Variants in PRSS3 observed in about 807,000 individuals in gnomAD.
PRSS3 encodes serine protease 3, also known as trypsin-3.
A neutral mutation model predicts 20.8 loss-of-function variants in PRSS3; 14 were observed. The ratio of observed to expected loss-of-function variants is 0.67; its 90% CI spans 0.44 to 1.05. The LOEUF (loss-of-function observed/expected upper bound fraction) is 1.05, where lower values mean the gene tolerates loss of function less well. Among genes scored for constraint, PRSS3 ranks in the 50% least tolerant of loss-of-function variants. The probability of loss-of-function intolerance (pLI) is 0.00; values close to 1 mark genes in which losing one functional copy is unlikely to be tolerated. For missense variants in PRSS3, 237 were observed against 306.4 expected (o/e 0.77, Z 1.69); for synonymous variants, 91 against 117.6 (o/e 0.77, Z 1.46).
intron 1 of PRSS3, among the ~76,000 whole-genome samples, chr9:33,760,816 C>G (rs180984585): frequency 2.0e-5 from 3 of 151,614 alleles, no homozygotes; most frequent in African/African-American, 7.3e-5. Context: ...AGAGTGAATT[C>G]CTAGCAGCAT....
intron 1 of PRSS3, among the ~76,000 whole-genome samples, chr9:33,752,837 T>A (rs1196735382): frequency 6.6e-6 from 1 of 152,240 alleles, no homozygotes; most frequent in Admixed American, 6.5e-5. Flanking sequence ...GCCTTCTGTA[T>A]GTGATGCAGA....
At chr9:33,789,323 CT>C (rs999309542) in intron 1 of PRSS3, among the ~76,000 whole-genome samples, 7 of 152,150 alleles carry the variant, frequency 4.6e-5, no homozygotes, top group Non-Finnish European at 8.8e-5. Flanking sequence ...CCTAATATCA[CT>C]TTTTTTATAA....
chr9:33,751,722 G>C (rs855554), intron 1 of PRSS3, among the ~76,000 whole-genome samples: 64,621 of 151,892 alleles, frequency 0.43, 14,870 homozygotes, highest in African/African-American at 0.62. Context: ...TTTATAGAAA[G>C]GATGGCTTAT....
chr9:33,757,794 C>T (rs1437934411), intron 1 of PRSS3, among the ~76,000 whole-genome samples: 6 of 152,182 alleles, frequency 3.9e-5, no homozygotes, highest in Non-Finnish European at 8.8e-5. Context: ...GCCCTTCCTA[C>T]CTGTCCCCTT....
At position 33,798,050 on chromosome 9, in the gene PRSS3, T is replaced by C. The variant is rs980930453; in HGVS notation, c.422T>C (p.Ile141Thr). 1.9e-6 allele frequency: 3 copies of C among 1,614,152 alleles called. No homozygotes were observed. In the African/African-American group the frequency reaches 4.0e-5, roughly 22 times the overall value. ...CCAGCTGCTGGCACTGAGTGCCTCA[T>C]CTCCGGCTGGGGCAACACTCTGAGC... The part of the protein sequence containing the change: ...TPPAAGTECL[I>T]SGWGNTLSFG... The change falls in exon 3 of 5, where the codon ATC becomes ACC. Residue 141 changes from isoleucine to threonine, a missense_variant. Transcript: ENST00000379405.
chr9:33,751,502 C>T (rs528149755), intron 1 of PRSS3, among the ~76,000 whole-genome samples: 9 of 152,252 alleles, frequency 5.9e-5, no homozygotes, highest in African/African-American at 2.2e-4. Flanking sequence ...CCAGGGAAAC[C>T]TAGCACTTTA....
intron 1 of PRSS3, among the ~76,000 whole-genome samples, chr9:33,767,812 C>T (rs932195812): frequency 2.6e-5 from 4 of 151,542 alleles, no homozygotes; most frequent in African/African-American, 7.3e-5. Context: ...GCAACAAGAG[C>T]GAACCTCTGT....
intron 1 of PRSS3, chr9:33,786,131 A>T (rs1396356551): frequency 5.5e-6 from 2 of 363,472 alleles, no homozygotes; most frequent in Non-Finnish European, 1.0e-5. Flanking sequence ...AGAGAAACAG[A>T]GCGGGAAAGA....
intron 1 of PRSS3, among the ~76,000 whole-genome samples, chr9:33,751,287 G>T (rs1822685856): frequency 6.6e-6 from 1 of 152,200 alleles, no homozygotes; most frequent in African/African-American, 2.4e-5. Flanking sequence ...CTTTCCTGAG[G>T]CCAGGAAGCC....
intron 1 of PRSS3, among the ~76,000 whole-genome samples, chr9:33,780,506 A>G (rs1191677870): frequency 6.6e-6 from 1 of 152,224 alleles, no homozygotes; most frequent in Non-Finnish European, 1.5e-5. Flanking sequence ...TCAAGTCTAC[A>G]TAACAACCAG....
intron 1 of PRSS3, among the ~76,000 whole-genome samples, chr9:33,758,079 C>G (rs1321734465): frequency 1.3e-5 from 2 of 152,168 alleles, no homozygotes; most frequent in African/African-American, 2.4e-5. Context: ...TGTTCCATCC[C>G]TTGACTGTAG....
chr9:33,752,309 C>T (rs1375239880), intron 1 of PRSS3, among the ~76,000 whole-genome samples: 1 of 152,206 alleles, frequency 6.6e-6, no homozygotes, highest in East Asian at 1.9e-4. Context: ...TAAACATCAG[C>T]TGCTATACTT....
chr9:33,792,542 G>A (rs1339370573), upstream of PRSS3, among the ~76,000 whole-genome samples: 5 of 152,224 alleles, frequency 3.3e-5, no homozygotes, highest in Non-Finnish European at 7.3e-5. Context: ...CCACCTCAGT[G>A]AGGGTGCACC....
chr9:33,775,859 C>G (rs574862467), intron 1 of PRSS3, among the ~76,000 whole-genome samples: 1 of 152,156 alleles, frequency 6.6e-6, no homozygotes, highest in Admixed American at 6.5e-5. Context: ...CCCACTACCA[C>G]GCCCGGCTAA....
intron 1 of PRSS3, chr9:33,786,383 A>G (rs1824412060): frequency 3.1e-6 from 2 of 646,318 alleles, no homozygotes; most frequent in Admixed American, 2.6e-5. Context: ...TTAAAGGACC[A>G]TAACAGAGTA....
At chr9:33,794,679 G>A, upstream of PRSS3, 3 of 1,471,914 alleles carry the variant, frequency 2.0e-6, no homozygotes, top group Admixed American at 2.4e-5. Context: ...CTGATCAGGG[G>A]CATGTCATTC....
At chr9:33,796,362 CT>C (rs1242335274) in intron 1 of PRSS3, among the ~76,000 whole-genome samples, 1 of 152,184 alleles carries the variant, frequency 6.6e-6, no homozygotes, top group African/African-American at 2.4e-5. Flanking sequence ...ATACCAACTG[CT>C]ACCCCACTGG....
chr9:33,768,910 A>AT (rs1823563258), intron 1 of PRSS3, among the ~76,000 whole-genome samples: 1 of 152,208 alleles, frequency 6.6e-6, no homozygotes, highest in Admixed American at 6.5e-5. Flanking sequence ...ATCTTAGAGA[A>AT]TACATGTATC....
intron 1 of PRSS3, among the ~76,000 whole-genome samples, chr9:33,752,082 C>T (rs1164464873): frequency 6.6e-6 from 1 of 152,190 alleles, no homozygotes; most frequent in Non-Finnish European, 1.5e-5. Context: ...ATTCCACTTC[C>T]TTCTTTTTAA....
Sources: gnomAD v4.1 joint callset for allele counts (sites outside exome capture counted in the v4.1 genomes callset) on GRCh38, gnomAD v4.1.1 for gene constraint, MANE v1.5 for transcripts, NCBI Gene and HGNC (gene_info 2026-07-23, HGNC 2026-07-21) for gene names.